The following DLGAP2 variants were observed in gnomAD, a reference collection of about 807,000 sequenced individuals.
DLGAP2 encodes disks large-associated protein 2.
In DLGAP2, 26 loss-of-function variants were observed where a neutral mutation model predicts 100.3. That is an observed-to-expected ratio of 0.26 (90% CI 0.19 to 0.36). DLGAP2 has a LOEUF of 0.36. Ranked by LOEUF, DLGAP2 falls within the 10% of genes least tolerant of loss-of-function variation. The pLI, the probability that DLGAP2 is intolerant of heterozygous loss-of-function variation, is 1.00. For synonymous variants in DLGAP2, 886 were observed against 630.1 expected, an observed-to-expected ratio of 1.41 and a Z score of -6.08; for missense variants, 1,858 against 1,453.2, an observed-to-expected ratio of 1.28 and a Z score of -4.53.
At chr8:854,492 G>C (rs1024523176) in intron 1 of DLGAP2, among the ~76,000 whole-genome samples, 7 of 152,140 alleles carry the variant, frequency 4.6e-5, no homozygotes, top group East Asian at 1.9e-4. Context: ...GTAGCAGAAG[G>C]GGGGAGGTGG....
rs1421613845 is a variant in DLGAP2, at chr8:1,506,591, C to T, written c.172+5160C>T. The stretch of plus-strand genomic sequence containing the variant: ...CGTAAAAATTAAGCATCCACACTGC[C>T]CAAGACGATCTCAGCAGGTTGCCAG... On this transcript the variant is annotated intron_variant, in intron 4 of 14. Transcript: ENST00000637795. Among the ~76,000 whole-genome samples, 3 of 152,148 alleles carry T rather than the reference C, an allele frequency of 2.0e-5. No individual in the cohort carries two copies. The South Asian group carries it at 6.2e-4, about 32-fold the overall frequency.
intron 2 of DLGAP2, among the ~76,000 whole-genome samples, chr8:1,241,478 G>T (rs900036141): frequency 6.6e-5 from 10 of 152,262 alleles, no homozygotes; most frequent in African/African-American, 2.4e-4. Context: ...TTTCTTCCTT[G>T]ACGTTACTGC....
chr8:1,509,669 C>T (rs1011206671), intron 4 of DLGAP2, among the ~76,000 whole-genome samples: 2 of 151,926 alleles, frequency 1.3e-5, no homozygotes, highest in Non-Finnish European at 2.9e-5. Flanking sequence ...ATTCACCCAC[C>T]TCTCCTGTTC....
At chr8:1,234,743 A>G (rs1032630455) in intron 2 of DLGAP2, among the ~76,000 whole-genome samples, 4 of 152,152 alleles carry the variant, frequency 2.6e-5, no homozygotes, top group African/African-American at 9.7e-5. Context: ...CTTTCTGGGA[A>G]CTCATAGGTG....
At chr8:1,110,628 A>C (rs1297539242) in intron 2 of DLGAP2, among the ~76,000 whole-genome samples, 1 of 151,962 alleles carries the variant, frequency 6.6e-6, no homozygotes, top group African/African-American at 2.4e-5. Flanking sequence ...CAGCAGTGCC[A>C]TACTGTCCCT....
chr8:1,159,062 A>G (rs868675593), intron 2 of DLGAP2, among the ~76,000 whole-genome samples: 21 of 152,328 alleles, frequency 1.4e-4, no homozygotes, highest in African/African-American at 4.3e-4. Flanking sequence ...TTTACCCAGG[A>G]GCCACACTGC....
At chr8:1,443,874 G>A (rs1031570216) in intron 3 of DLGAP2, among the ~76,000 whole-genome samples, 1 of 152,152 alleles carries the variant, frequency 6.6e-6, no homozygotes, top group Non-Finnish European at 1.5e-5. Flanking sequence ...AAAATGTTCA[G>A]GGTGAGTGAC....
At chr8:1,314,550 C>T (rs1434800068) in intron 3 of DLGAP2, among the ~76,000 whole-genome samples, 2 of 152,182 alleles carry the variant, frequency 1.3e-5, no homozygotes, top group African/African-American at 2.4e-5. Context: ...ACCCTCCAGC[C>T]ACCATCTGAC....
intron 6 of DLGAP2, among the ~76,000 whole-genome samples, chr8:1,624,612 C>G (rs1797442477): frequency 6.6e-6 from 1 of 151,838 alleles, no homozygotes; most frequent in Non-Finnish European, 1.5e-5. Context: ...CAGCCAAGGT[C>G]AGGGATCCGT....
chr8:948,266 GT>G (rs1799382702), intron 2 of DLGAP2, among the ~76,000 whole-genome samples: 1 of 152,242 alleles, frequency 6.6e-6, no homozygotes, highest in African/African-American at 2.4e-5. Flanking sequence ...GGAGGACCCT[GT>G]TTCCTGGGTG....
intron 1 of DLGAP2, among the ~76,000 whole-genome samples, chr8:876,768 G>C (rs1797693447): frequency 1.3e-5 from 2 of 152,078 alleles, no homozygotes; most frequent in Admixed American, 6.6e-5. Flanking sequence ...CATTGTGCTT[G>C]TGTTTGTGTG....
rs115660822 is a variant in DLGAP2, at chr8:1,211,998, T to C, written c.74-46853T>C. ...GACTGGCGCTGTGGAAACACAAGGC[T>C]CTTGGTTCTTGGTCCTTCACCTGAT... On this transcript the variant is annotated intron_variant, in intron 2 of 14. Transcript: ENST00000637795. 3.5e-3 allele frequency among the ~76,000 whole-genome samples: 531 copies of C among 152,386 alleles called. 2 individuals are homozygous for C. Among genetic ancestry groups the C allele is most frequent in the African/African-American group, 0.012 (517 of 41,602 alleles).
chr8:1,662,826 TGTGA>T (rs1195427104), intron 8 of DLGAP2, among the ~76,000 whole-genome samples: 4 of 150,450 alleles, frequency 2.7e-5, no homozygotes, highest in Non-Finnish European at 5.9e-5. Context: ...TGCATACATG[TGTGA>T]GTGTGGGGAA....
intron 3 of DLGAP2, among the ~76,000 whole-genome samples, chr8:1,464,390 C>T (rs1018521382): frequency 8.4e-5 from 3 of 35,670 alleles, no homozygotes; most frequent in Admixed American, 3.3e-4. Context: ...GGCACCCTTC[C>T]GGAATGGCAT....
chr8:1,118,017 A>T (rs776979061), intron 2 of DLGAP2, among the ~76,000 whole-genome samples: 3 of 152,214 alleles, frequency 2.0e-5, no homozygotes, highest in African/African-American at 2.4e-5. Context: ...GTTAATATTG[A>T]TATGCTTTCA....
chr8:1,651,886 C>T lies in DLGAP2; in HGVS notation c.1811-16443C>T, dbSNP rs575337575. ...CACCCGAGGCAAGCCCCGCCTGCAC[C>T]TCTGGTCAGACATTCCTCAGCGCCA... On this transcript the variant is annotated intron_variant, in intron 8 of 14. Coordinates refer to ENST00000637795, the MANE Select transcript of DLGAP2 (RefSeq NM_001346810.2). 1.2e-4 allele frequency among the ~76,000 whole-genome samples: 19 copies of T among 152,306 alleles called. No homozygotes were observed. In the South Asian group the frequency reaches 2.9e-3, roughly 23 times the overall value.
At chr8:1,255,221 C>T (rs1271565425) in intron 2 of DLGAP2, among the ~76,000 whole-genome samples, 1 of 88,042 alleles carries the variant, frequency 1.1e-5, no homozygotes, top group Admixed American at 1.0e-4. Context: ...TCTCATCCTG[C>T]CTGGGTGCTG....
intron 1 of DLGAP2, among the ~76,000 whole-genome samples, chr8:890,350 C>G (rs897844020): frequency 1.3e-5 from 2 of 152,166 alleles, no homozygotes; most frequent in African/African-American, 4.8e-5. Context: ...TTGCAGGCGC[C>G]TGGATGAGTG....
intron 6 of DLGAP2, among the ~76,000 whole-genome samples, chr8:1,570,951 A>T (rs1019693525): frequency 7.5e-6 from 1 of 133,300 alleles, no homozygotes; most frequent in Non-Finnish European, 1.6e-5. Context: ...GTCTGATGAG[A>T]TGGAGAGGAG....
Sources: gnomAD v4.1 joint callset for allele counts (sites outside exome capture counted in the v4.1 genomes callset) on GRCh38, gnomAD v4.1.1 for gene constraint, MANE v1.5 for transcripts, NCBI Gene and HGNC (gene_info 2026-07-23, HGNC 2026-07-21) for gene names.